Variants in NDUFAF2 observed in about 807,000 individuals in gnomAD.
NDUFAF2 encodes NADH:ubiquinone oxidoreductase complex assembly factor 2.
NDUFAF2 carries 13 observed loss-of-function variants against 22.8 expected under a neutral mutation model. That is an observed-to-expected ratio of 0.57 (90% CI 0.37 to 0.91). The LOEUF (loss-of-function observed/expected upper bound fraction) is 0.91, where lower values mean the gene tolerates loss of function less well. NDUFAF2 is among the 40% of genes least tolerant of loss of function. The probability of loss-of-function intolerance (pLI) is 0.01; values close to 1 mark genes in which losing one functional copy is unlikely to be tolerated. For missense variants in NDUFAF2, 162 were observed against 195.2 expected, an observed-to-expected ratio of 0.83 and a Z score of 1.01; for synonymous variants, 53 against 64.2, an observed-to-expected ratio of 0.83 and a Z score of 0.84.
chr5:61,084,329 A>T (rs1752479659), intron 2 of NDUFAF2, among the ~76,000 whole-genome samples: 1 of 151,488 alleles, frequency 6.6e-6, no homozygotes, highest in Non-Finnish European at 1.5e-5. Flanking sequence ...TAACATAAAA[A>T]TTTCCATTTT....
intron 1 of NDUFAF2, among the ~76,000 whole-genome samples, chr5:60,970,166 C>A (rs1750809103): frequency 6.6e-6 from 1 of 152,038 alleles, no homozygotes; most frequent in South Asian, 2.1e-4. Flanking sequence ...ATGATTCCTC[C>A]AGTTTTGTTC....
intron 1 of NDUFAF2, among the ~76,000 whole-genome samples, chr5:60,965,130 C>G (rs1351376097): frequency 1.3e-5 from 2 of 152,074 alleles, no homozygotes. Flanking sequence ...CTAGGAACCA[C>G]TAACATGACA....
At chr5:61,022,162 A>T (rs909459754) in intron 1 of NDUFAF2, among the ~76,000 whole-genome samples, 3 of 152,332 alleles carry the variant, frequency 2.0e-5, no homozygotes, top group East Asian at 3.9e-4. Flanking sequence ...GAATCTGGGT[A>T]TCATGGCCCA....
At chr5:61,000,866 T>A (rs1270161063) in intron 1 of NDUFAF2, among the ~76,000 whole-genome samples, 2 of 152,154 alleles carry the variant, frequency 1.3e-5, no homozygotes, top group African/African-American at 4.8e-5. Context: ...AATTACAGAA[T>A]AACATTGAGA....
intron 1 of NDUFAF2, among the ~76,000 whole-genome samples, chr5:61,046,868 T>C (rs1751960277): frequency 6.6e-6 from 1 of 152,184 alleles, no homozygotes. Flanking sequence ...GGACTCCCCA[T>C]GCTTGGAAAG....
intron 1 of NDUFAF2, among the ~76,000 whole-genome samples, chr5:61,016,133 C>G (rs1034756569): frequency 6.6e-6 from 1 of 152,000 alleles, no homozygotes; most frequent in Non-Finnish European, 1.5e-5. Context: ...TTGCAGTAAG[C>G]CAAGATCACG....
chr5:61,032,787 T>G (rs546885412), intron 1 of NDUFAF2, among the ~76,000 whole-genome samples: 2 of 152,204 alleles, frequency 1.3e-5, no homozygotes, highest in African/African-American at 4.8e-5. Context: ...TTGATGGGGA[T>G]AGCATTGAAT....
chr5:61,041,808 T>C (rs1261115596), intron 1 of NDUFAF2, among the ~76,000 whole-genome samples: 1 of 152,160 alleles, frequency 6.6e-6, no homozygotes, highest in African/African-American at 2.4e-5. Context: ...CCATGTGTCT[T>C]AGAGGAAAGT....
intron 1 of NDUFAF2, among the ~76,000 whole-genome samples, chr5:61,006,159 T>C (rs1751363686): frequency 6.6e-6 from 1 of 152,234 alleles, no homozygotes; most frequent in Non-Finnish European, 1.5e-5. Flanking sequence ...TTTCTACATA[T>C]GGCTAGCCAG....
At chr5:61,118,238 C>A (rs972359633) in intron 3 of NDUFAF2, among the ~76,000 whole-genome samples, 1 of 152,104 alleles carries the variant, frequency 6.6e-6, no homozygotes, top group East Asian at 1.9e-4. Flanking sequence ...CACAAGGAGA[C>A]AATTGGAGAG....
At chr5:61,150,668 A>C (rs1005918610) in intron 3 of NDUFAF2, among the ~76,000 whole-genome samples, 1 of 152,178 alleles carries the variant, frequency 6.6e-6, no homozygotes, top group Non-Finnish European at 1.5e-5. Flanking sequence ...TGACTGATCT[A>C]TTATACAAAA....
chr5:60,951,291 A>G (rs770729229), intron 1 of NDUFAF2, among the ~76,000 whole-genome samples: 1 of 152,156 alleles, frequency 6.6e-6, no homozygotes, highest in Non-Finnish European at 1.5e-5. Flanking sequence ...TCAGCGTCCC[A>G]AAGTGCTGGG....
At chr5:61,023,231 T>A (rs1044823608) in intron 1 of NDUFAF2, among the ~76,000 whole-genome samples, 6 of 152,124 alleles carry the variant, frequency 3.9e-5, no homozygotes, top group Admixed American at 2.0e-4. Flanking sequence ...GATTTTTTTT[T>A]ATTGAATTTC....
rs1410608091 is a variant in NDUFAF2 at position 61,033,643 on chromosome 5, A to G, written c.128-39482A>G. Reference sequence around the variant, plus strand: ...TCATTTATTTCCATGTTTTTTCAGCAAAAATTCATGTTGTTTTGGCTATAG... The same window carrying G: ...TCATTTATTTCCATGTTTTTTCAGCGAAAATTCATGTTGTTTTGGCTATAG... On this transcript the variant is annotated intron_variant, in intron 1 of 3. Transcript: ENST00000296597. Among the ~76,000 whole-genome samples the G allele has an allele frequency of 3.3e-5, 5 of 152,234 alleles. No individual in the cohort carries two copies. The East Asian group carries it at 7.7e-4, about 24-fold the overall frequency.
intron 1 of NDUFAF2, among the ~76,000 whole-genome samples, chr5:61,000,714 C>G (rs1025776633): frequency 6.6e-6 from 1 of 152,056 alleles, no homozygotes; most frequent in Non-Finnish European, 1.5e-5. Flanking sequence ...TCACCTGGCT[C>G]CTTTGTCTAT....
At chr5:60,975,304 A>G (rs1458905875) in intron 1 of NDUFAF2, among the ~76,000 whole-genome samples, 1 of 152,126 alleles carries the variant, frequency 6.6e-6, no homozygotes, top group Non-Finnish European at 1.5e-5. Flanking sequence ...AGCGAAAGAA[A>G]GGATTTAAGA....
At chr5:60,955,995 A>G (rs1750610312) in intron 1 of NDUFAF2, among the ~76,000 whole-genome samples, 1 of 151,148 alleles carries the variant, frequency 6.6e-6, no homozygotes, top group South Asian at 2.1e-4. Context: ...GCTCACTGCA[A>G]CCTCTGCCCC....
At chr5:60,951,781 T>C (rs1341897895) in intron 1 of NDUFAF2, among the ~76,000 whole-genome samples, 1 of 152,124 alleles carries the variant, frequency 6.6e-6, no homozygotes, top group Non-Finnish European at 1.5e-5. Context: ...TACTTATTTC[T>C]TACATGTTGG....
chr5:60,995,405 G>C (rs950596632), intron 1 of NDUFAF2, among the ~76,000 whole-genome samples: 4 of 152,238 alleles, frequency 2.6e-5, no homozygotes, highest in Non-Finnish European at 5.9e-5. Flanking sequence ...CCCAAGTTCA[G>C]TAACGCTGTG....
Sources: allele counts gnomAD v4.1 joint callset (sites outside exome capture counted in the v4.1 genomes callset), GRCh38; gene constraint gnomAD v4.1.1; transcripts MANE v1.5; gene names NCBI Gene and HGNC (gene_info 2026-07-23, HGNC 2026-07-21).